CNBD1: variants seen among roughly 807,000 people sequenced by gnomAD.
The protein encoded by CNBD1 is cyclic nucleotide binding domain containing 1, also known as cyclic nucleotide-binding domain-containing protein 1.
In CNBD1, 71 loss-of-function variants were observed where a neutral mutation model predicts 54.4. The observed-to-expected ratio is 1.30, with a 90% CI of 1.08 to 1.59. The LOEUF (loss-of-function observed/expected upper bound fraction) is 1.59. Among genes scored for constraint, CNBD1 ranks in the 40% most tolerant of loss-of-function variants. The pLI, the probability that CNBD1 is intolerant of heterozygous loss-of-function variation, is 0.00. For missense variants in CNBD1, 659 were observed against 518.0 expected, an observed-to-expected ratio of 1.27 and a Z score of -2.64; for synonymous variants, 182 against 170.7, an observed-to-expected ratio of 1.07 and a Z score of -0.51.
At chr8:87,000,234 G>T (rs1211176097) in intron 4 of CNBD1, among the ~76,000 whole-genome samples, 1 of 152,062 alleles carries the variant, frequency 6.6e-6, no homozygotes, top group East Asian at 1.9e-4. Flanking sequence ...GTTCTTAGGA[G>T]ATCTGATGGT....
chr8:87,314,144 A>G (rs1160277502), intron 8 of CNBD1, among the ~76,000 whole-genome samples: 1 of 151,928 alleles, frequency 6.6e-6, no homozygotes, highest in Admixed American at 6.6e-5. Context: ...GGGAGCTAAA[A>G]CTGACAAAGA....
chr8:87,189,546 A>G (rs1367293988), intron 4 of CNBD1, among the ~76,000 whole-genome samples: 1 of 152,194 alleles, frequency 6.6e-6, no homozygotes, highest in Non-Finnish European at 1.5e-5. Flanking sequence ...TCCCCAAACA[A>G]CAAAAGGAAG....
intron 4 of CNBD1, among the ~76,000 whole-genome samples, chr8:87,085,775 T>C (rs906324932): frequency 1.1e-4 from 16 of 152,144 alleles, no homozygotes; most frequent in African/African-American, 3.6e-4. Context: ...AGCCTTGTGT[T>C]GGTGGGTGTA....
intron 1 of CNBD1, among the ~76,000 whole-genome samples, chr8:86,875,321 C>T (rs574454298): frequency 8.1e-4 from 124 of 152,172 alleles, no homozygotes; most frequent in African/African-American, 3.0e-3. Flanking sequence ...TGTGGATGCC[C>T]TCCACACCCT....
At chr8:87,240,280 T>C (rs191518852) in intron 6 of CNBD1, among the ~76,000 whole-genome samples, 1 of 152,296 alleles carries the variant, frequency 6.6e-6, no homozygotes, top group African/African-American at 2.4e-5. Context: ...AAGAACTTTC[T>C]AGTTTGTTAA....
rs117396307 is a variant in CNBD1, at chr8:87,029,377, G to A, written c.431+89623G>A. ...CTTAGTTGTAAGTAATATTTTCAAA[G>A]GCTTACTAATTTAAATACTGAATAT... On this transcript the variant is annotated intron_variant, in intron 4 of 10. Coordinates refer to ENST00000518476, the MANE Select transcript of CNBD1 (RefSeq NM_173538.3). 4.6e-3 allele frequency among the ~76,000 whole-genome samples: 699 copies of A among 152,214 alleles called. 8 individuals carry two copies. The highest frequency in any genetic ancestry group is 8.6e-3 in the Non-Finnish European group (588 of 68,002).
intron 4 of CNBD1, among the ~76,000 whole-genome samples, chr8:87,143,871 T>C (rs886405226): frequency 6.6e-6 from 1 of 152,188 alleles, no homozygotes; most frequent in African/African-American, 2.4e-5. Flanking sequence ...GACAAAACCT[T>C]AGTTTTACTT....
chr8:87,351,607 A>G, intron 8 of CNBD1, 78 bp from the exon 9 acceptor site: 1 of 1,298,788 alleles, frequency 7.7e-7, no homozygotes, highest in African/African-American at 1.6e-5. Context: ...TAAATACATT[A>G]ACTTTTGTTG....
intron 4 of CNBD1, among the ~76,000 whole-genome samples, chr8:87,055,605 T>C (rs997559849): frequency 6.6e-6 from 1 of 152,214 alleles, no homozygotes; most frequent in Non-Finnish European, 1.5e-5. Flanking sequence ...TGAGTTTTCC[T>C]CAGGCTGCTC....
chr8:87,023,156 TACTAATGTTCATG>T (rs1228472750), intron 4 of CNBD1, among the ~76,000 whole-genome samples: 1 of 152,224 alleles, frequency 6.6e-6, no homozygotes, highest in East Asian at 1.9e-4. Context: ...ACAGAATTTA[TACTAATGTTCATG>T]ACTTCATTGA....
At chr8:87,295,807 C>A (rs1808866132) in intron 8 of CNBD1, among the ~76,000 whole-genome samples, 1 of 152,072 alleles carries the variant, frequency 6.6e-6, no homozygotes, top group Non-Finnish European at 1.5e-5. Flanking sequence ...ACATTTGAAG[C>A]AAACTTAATA....
At chr8:87,123,132 G>A (rs1329085865) in intron 4 of CNBD1, among the ~76,000 whole-genome samples, 1 of 151,676 alleles carries the variant, frequency 6.6e-6, no homozygotes, top group Non-Finnish European at 1.5e-5. Flanking sequence ...ATCACTTTGG[G>A]CAGTATGAAC....
At chr8:87,391,757 G>C (rs915044034) in intron 2 of CNBD1, among the ~76,000 whole-genome samples, 1 of 151,992 alleles carries the variant, frequency 6.6e-6, no homozygotes, top group African/African-American at 2.4e-5. Flanking sequence ...AAATTTAGAA[G>C]TAAATCTTTG....
intron 2 of CNBD1, among the ~76,000 whole-genome samples, chr8:87,394,357 C>T (rs981469168): frequency 1.3e-5 from 2 of 151,894 alleles, no homozygotes; most frequent in African/African-American, 2.4e-5. Context: ...CACATATATT[C>T]AGGTCTATCT....
chr8:87,352,221 C>T (rs542309188), intron 9 of CNBD1, among the ~76,000 whole-genome samples: 2 of 152,242 alleles, frequency 1.3e-5, no homozygotes, highest in African/African-American at 2.4e-5. Context: ...TGGCTCATGT[C>T]TGTAATCCCA....
At chr8:87,328,114 G>A (rs926353251) in intron 8 of CNBD1, among the ~76,000 whole-genome samples, 1 of 151,990 alleles carries the variant, frequency 6.6e-6, no homozygotes, top group African/African-American at 2.4e-5. Flanking sequence ...TTAGGTGTTT[G>A]TCCTGATGCT....
intron 6 of CNBD1, among the ~76,000 whole-genome samples, chr8:87,253,089 C>T (rs776608418): frequency 1.6e-4 from 24 of 152,108 alleles, no homozygotes; most frequent in African/African-American, 3.6e-4. Flanking sequence ...GGTCAGACTA[C>T]GTCAGATTCC....
At chr8:87,254,804 GC>G (rs1182632937) in intron 6 of CNBD1, among the ~76,000 whole-genome samples, 1 of 152,128 alleles carries the variant, frequency 6.6e-6, no homozygotes, top group Non-Finnish European at 1.5e-5. Context: ...CTTTTATTTA[GC>G]GTTAGGTCAG....
intron 2 of CNBD1, among the ~76,000 whole-genome samples, chr8:87,393,269 G>A (rs1042790286): frequency 1.3e-5 from 2 of 151,836 alleles, no homozygotes; most frequent in Admixed American, 1.3e-4. Flanking sequence ...CTGGACTCAA[G>A]CATAGGTCAT....
Sources: gnomAD v4.1 joint callset for allele counts (sites outside exome capture counted in the v4.1 genomes callset) on GRCh38, gnomAD v4.1.1 for gene constraint, MANE v1.5 for transcripts, NCBI Gene and HGNC (gene_info 2026-07-23, HGNC 2026-07-21) for gene names.